Variants in AFG1L observed in about 807,000 individuals in gnomAD.
AFG1L encodes AFG1 like ATPase.
AFG1L carries 53 observed loss-of-function variants against 62.2 expected under a neutral mutation model. The observed-to-expected ratio is 0.85, with a 90% CI of 0.68 to 1.07. The LOEUF (loss-of-function observed/expected upper bound fraction) is 1.07. AFG1L is among the 50% of genes least tolerant of loss of function. AFG1L has a pLI of 0.00. For synonymous variants in AFG1L, 228 were observed against 210.3 expected, an observed-to-expected ratio of 1.08 and a Z score of -0.73; for missense variants, 555 against 590.5, an observed-to-expected ratio of 0.94 and a Z score of 0.62.
intron 1 of AFG1L, among the ~76,000 whole-genome samples, chr6:108,310,835 T>C (rs1260407817): frequency 5.9e-5 from 9 of 152,168 alleles, no homozygotes; most frequent in African/African-American, 1.7e-4. Flanking sequence ...CTTAAACCCC[T>C]TGAGTAGCTG....
intron 1 of AFG1L, among the ~76,000 whole-genome samples, chr6:108,305,167 A>G (rs1398526378): frequency 1.3e-5 from 2 of 152,232 alleles, no homozygotes; most frequent in Non-Finnish European, 2.9e-5. Flanking sequence ...AACTTTATAC[A>G]GAATTTCTAG....
chr6:108,512,781 C>T (rs1234410037), intron 11 of AFG1L, among the ~76,000 whole-genome samples: 1 of 151,814 alleles, frequency 6.6e-6, no homozygotes, highest in Non-Finnish European at 1.5e-5. Context: ...TCCTAACATT[C>T]CCTTTAACTA....
intron 4 of AFG1L, among the ~76,000 whole-genome samples, chr6:108,356,328 A>G (rs1431776424): frequency 1.3e-5 from 2 of 152,210 alleles, no homozygotes; most frequent in African/African-American, 4.8e-5. Context: ...TATGCTAGAC[A>G]TAACATGCAC....
intron 8 of AFG1L, among the ~76,000 whole-genome samples, chr6:108,473,757 C>T (rs1313913569): frequency 6.6e-6 from 1 of 152,144 alleles, no homozygotes; most frequent in African/African-American, 2.4e-5. Flanking sequence ...CGGGGTTTCA[C>T]CATGTTAGCC....
intron 2 of AFG1L, among the ~76,000 whole-genome samples, chr6:108,330,301 G>A (rs1031699118): frequency 6.7e-6 from 1 of 150,152 alleles, no homozygotes; most frequent in African/African-American, 2.4e-5. Context: ...TCAGCTTCCT[G>A]AGTAGCTGGG....
intron 2 of AFG1L, 104 bp downstream of exon 2, chr6:108,324,152 T>C: frequency 1.3e-6 from 1 of 771,950 alleles, no homozygotes; most frequent in Non-Finnish European, 2.1e-6. Context: ...TTGAAAAATT[T>C]TCACCAGTTC....
At chr6:108,366,128 T>C (rs1666979594) in intron 5 of AFG1L, 105 bp from the exon 6 acceptor site, 1 of 625,602 alleles carries the variant, frequency 1.6e-6, no homozygotes, top group Admixed American at 2.6e-5. Context: ...AATTAGAATT[T>C]TTCTCTTGGA....
chr6:108,493,346 G>T (rs755984592), intron 10 of AFG1L, among the ~76,000 whole-genome samples: 2 of 152,146 alleles, frequency 1.3e-5, no homozygotes, highest in Admixed American at 6.5e-5. Flanking sequence ...GGTGTGTGAA[G>T]ACCCATTTCC....
At chr6:108,308,767 A>G (rs1176672442) in intron 1 of AFG1L, among the ~76,000 whole-genome samples, 1 of 152,044 alleles carries the variant, frequency 6.6e-6, no homozygotes, top group Non-Finnish European at 1.5e-5. Context: ...ACAGTGGCAC[A>G]ATCTTGGCTC....
intron 2 of AFG1L, among the ~76,000 whole-genome samples, chr6:108,338,462 G>A (rs1778552439): frequency 6.6e-6 from 1 of 152,142 alleles, no homozygotes; most frequent in Admixed American, 6.6e-5. Flanking sequence ...AAGACTCTGA[G>A]AAATTCTGCA....
intron 1 of AFG1L, among the ~76,000 whole-genome samples, chr6:108,322,409 G>A (rs1268460513): frequency 1.3e-5 from 2 of 152,290 alleles, no homozygotes; most frequent in South Asian, 2.1e-4. Context: ...AGGGAGCCAG[G>A]AGGATATGCC....
At chr6:108,476,004 T>C (rs1326662294) in intron 8 of AFG1L, among the ~76,000 whole-genome samples, 1 of 152,190 alleles carries the variant, frequency 6.6e-6, no homozygotes, top group Non-Finnish European at 1.5e-5. Flanking sequence ...GGTCAACCTG[T>C]AAAAGTTTGT....
intron 8 of AFG1L, among the ~76,000 whole-genome samples, chr6:108,449,176 TAA>T (rs1491050262): frequency 7.0e-6 from 1 of 142,992 alleles, no homozygotes; most frequent in Non-Finnish European, 1.5e-5. Context: ...TATATATATA[TAA>T]GTGTATACAT....
At chr6:108,431,530 C>T (rs1357433594) in intron 7 of AFG1L, among the ~76,000 whole-genome samples, 1 of 151,040 alleles carries the variant, frequency 6.6e-6, no homozygotes, top group Admixed American at 6.6e-5. Context: ...CATTGGCATT[C>T]TGAACAAGAC....
chr6:108,417,266 G>GCACACA (rs149498434), intron 7 of AFG1L, among the ~76,000 whole-genome samples: 9 of 136,296 alleles, frequency 6.6e-5, no homozygotes, highest in Admixed American at 2.3e-4. Flanking sequence ...ACACAGACAC[G>GCACACA]CACACACACA....
At chr6:108,369,119 G>A (rs1229590109) in intron 6 of AFG1L, among the ~76,000 whole-genome samples, 1 of 152,132 alleles carries the variant, frequency 6.6e-6, no homozygotes, top group Non-Finnish European at 1.5e-5. Flanking sequence ...GTGTGTGTGT[G>A]TATAATTTTA....
At chr6:108,521,349 A>T (rs1379223620) in intron 12 of AFG1L, 2 of 152,180 alleles carry the variant, frequency 1.3e-5, no homozygotes, top group Non-Finnish European at 2.9e-5. Flanking sequence ...AATAAAAAAA[A>T]TTAGCTGGGT....
chr6:108,396,529 C>T (rs1318388998), intron 6 of AFG1L, among the ~76,000 whole-genome samples: 10 of 151,938 alleles, frequency 6.6e-5, no homozygotes, highest in Admixed American at 5.9e-4. Context: ...CTCACTCTTT[C>T]GCTCAGGCTG....
intron 1 of AFG1L, among the ~76,000 whole-genome samples, chr6:108,297,298 G>A (rs1776799628): frequency 6.6e-6 from 1 of 151,954 alleles, no homozygotes; most frequent in African/African-American, 2.4e-5. Context: ...AGTAGAGATG[G>A]GGTTTCACCA....
Sources: allele counts gnomAD v4.1 joint callset (sites outside exome capture counted in the v4.1 genomes callset), GRCh38; gene constraint gnomAD v4.1.1; transcripts MANE v1.5; gene names NCBI Gene and HGNC (gene_info 2026-07-23, HGNC 2026-07-21).